The following TRIM67 variants were observed in gnomAD, a reference collection of about 807,000 sequenced individuals.
TRIM67 encodes the protein tripartite motif-containing protein 67.
Under a neutral mutation model 71.0 loss-of-function variants are expected in TRIM67, and 39 were observed. The ratio of observed to expected loss-of-function variants is 0.55; its 90% confidence interval spans 0.43 to 0.72. TRIM67 has a LOEUF of 0.72. TRIM67 is among the 30% of genes least tolerant of loss of function. TRIM67 has a pLI of 0.00. For synonymous variants in TRIM67, 481 were observed against 473.9 expected (o/e 1.01, Z -0.19); for missense variants, 973 against 1,079.2 (o/e 0.90, Z 1.38).
chr1:231,219,098 A>G lies in TRIM67; in HGVS notation c.*3658A>G. 1 of 985,458 alleles carries G rather than the reference A, an allele frequency of 1.0e-6. No homozygotes were observed. The highest frequency in any genetic ancestry group is 1.7e-5 in the African/African-American group (1 of 57,334). The allele number at this position is 985,458 out of a possible 1,614,324, so 61.0% of individuals were successfully genotyped here. ...CATGGCCACCTGCTGGCTTTGAGGT[A>G]GTGAGGGAGGGTCAATCCTTAGGGG... On this transcript the variant is annotated 3_prime_UTR_variant, in exon 10 of 10. Coordinates refer to ENST00000366653, the MANE Select transcript of TRIM67 (RefSeq NM_001004342.5).
chr1:231,215,293 C>CCGGT (rs1683986299), intron 9 of TRIM67, 82 bp from the exon 10 acceptor site: 2 of 1,525,742 alleles, frequency 1.3e-6, no homozygotes, highest in South Asian at 2.5e-5. Context: ...GGGGATCCTG[C>CCGGT]CGGTGTCTGC....
chr1:231,182,157 A>C (rs1682923959), intron 1 of TRIM67, among the ~76,000 whole-genome samples: 2 of 152,200 alleles, frequency 1.3e-5, no homozygotes, highest in Admixed American at 1.3e-4. Flanking sequence ...GGTTCATTTT[A>C]GAAACTTCCC....
rs529879553 is a variant in TRIM67, at chr1:231,179,756, C to T, written c.1044+15743C>T. ...AGGTTAAGCCCATTGTTTCCTCATA[C>T]TCTGTGAACATATTCAGCCAGATTG... On this transcript the variant is annotated intron_variant, in intron 1 of 9. Coordinates refer to ENST00000366653, the MANE Select transcript of TRIM67 (RefSeq NM_001004342.5). 3.9e-5 allele frequency among the ~76,000 whole-genome samples: 6 copies of T among 152,298 alleles called. No individual in the cohort carries two copies. In the East Asian group the frequency reaches 1.2e-3, roughly 29 times the overall value.
intron 1 of TRIM67, chr1:231,187,596 GT>G: frequency 6.6e-7 from 1 of 1,518,194 alleles, no homozygotes; most frequent in East Asian, 2.5e-5. Context: ...CCCAATGATG[GT>G]GTGAAACTCT....
At chr1:231,203,766 G>A (rs1683616248) in intron 5 of TRIM67, 101 bp from the exon 6 acceptor site, 1 of 1,445,478 alleles carries the variant, frequency 6.9e-7, no homozygotes. Context: ...TAGCCTGGCT[G>A]TCCTCTGGAG....
At chr1:231,195,053 G>A (rs1683331739) in intron 1 of TRIM67, among the ~76,000 whole-genome samples, 1 of 152,142 alleles carries the variant, frequency 6.6e-6, no homozygotes. Flanking sequence ...GATGTCAGTA[G>A]GTTATGTATT....
chr1:231,205,234 G>C (rs1177290786), intron 6 of TRIM67, among the ~76,000 whole-genome samples: 7 of 152,202 alleles, frequency 4.6e-5, no homozygotes, highest in Admixed American at 4.6e-4. Context: ...TCTTACAGTA[G>C]GAAAAGTGTG....
chr1:231,197,116 G>A (rs568492545), intron 1 of TRIM67, among the ~76,000 whole-genome samples: 8 of 152,360 alleles, frequency 5.3e-5, no homozygotes, highest in South Asian at 2.1e-4. Context: ...GCTTCAACCC[G>A]TTAGCTGAGT....
chr1:231,173,465 A>C (rs190724809), intron 1 of TRIM67, among the ~76,000 whole-genome samples: 123 of 152,340 alleles, frequency 8.1e-4, no homozygotes, highest in African/African-American at 2.8e-3. Context: ...TATTCAAGCT[A>C]AGACTTGAAG....
intron 1 of TRIM67, among the ~76,000 whole-genome samples, chr1:231,191,582 C>T (rs1328482195): frequency 1.3e-5 from 2 of 151,808 alleles, no homozygotes; most frequent in African/African-American, 2.4e-5. Flanking sequence ...GCATCAGGAG[C>T]GTGGGGCATC....
Position 231,209,155 on chromosome 1 carries a change from C to G in TRIM67, c.2028C>G (p.Val676=), listed in dbSNP as rs1242354465. The change falls in exon 8 of 10, where the codon GTC becomes GTG. Residue 676 remains valine, a synonymous_variant. Transcript: ENST00000366653. The surrounding 1 kb of genome is among the most constrained non-coding windows in gnomAD (Gnocchi z 4.1). ...PAFGVARASV[V]KDMMLGKDDK... is the part of the protein sequence containing the mutation. ...TCGGGGTGGCCAGGGCCAGCGTGGT[C>G]AAGGACATGATGCTGGGCAAGGATG... The G allele has an allele frequency of 6.2e-7, 1 of 1,613,498 alleles. No homozygotes were observed. Among genetic ancestry groups the G allele is most frequent in the Non-Finnish European group, 8.5e-7 (1 of 1,179,752 alleles).
chr1:231,184,983 C>G (rs1355327165), intron 1 of TRIM67: 3 of 1,525,468 alleles, frequency 2.0e-6, no homozygotes, highest in Non-Finnish European at 1.8e-6. Flanking sequence ...CAGCAGTGCT[C>G]CTGAATGGGT....
rs933874027 is a variant in TRIM67, at chr1:231,211,483, C to A, written c.2123+2233C>A. Among the ~76,000 whole-genome samples, 12 of 152,186 alleles carry A rather than the reference C, an allele frequency of 7.9e-5. 1 individual carries two copies. The highest frequency in any genetic ancestry group is 2.9e-4 in the African/African-American group (12 of 41,450). On this transcript the variant is annotated intron_variant, in intron 8 of 9. Transcript: ENST00000366653. The stretch of plus-strand genomic sequence containing the variant: ...AGGTTGGACTCATTCCTGCACCTCC[C>A]ATGGGTCACTACCGCCACCCGGTGG...
intron 1 of TRIM67, among the ~76,000 whole-genome samples, chr1:231,179,875 G>C (rs1682853517): frequency 6.6e-6 from 1 of 152,200 alleles, no homozygotes; most frequent in Non-Finnish European, 1.5e-5. Context: ...GGGCAGTGTG[G>C]TGCTGATTAG....
intron 6 of TRIM67, among the ~76,000 whole-genome samples, chr1:231,204,357 C>T (rs1558305182): frequency 6.6e-6 from 1 of 152,214 alleles, no homozygotes; most frequent in Non-Finnish European, 1.5e-5. Flanking sequence ...TTTCACCCGG[C>T]TCTGTCTTGT....
intron 1 of TRIM67, chr1:231,185,950 A>G (rs977086749): frequency 1.5e-5 from 11 of 735,256 alleles, no homozygotes; most frequent in Non-Finnish European, 2.3e-5. Context: ...AACGGCCGTG[A>G]CAGCCGGGAC....
At chr1:231,206,821 C>T in intron 7 of TRIM67, 31 bp downstream of exon 7, 1 of 1,547,900 alleles carries the variant, frequency 6.5e-7, no homozygotes. Flanking sequence ...GTGGGAAGAA[C>T]AGATTCATCA....
intron 5 of TRIM67, among the ~76,000 whole-genome samples, chr1:231,201,740 T>C (rs868113038): frequency 1.3e-5 from 2 of 152,330 alleles, no homozygotes; most frequent in Middle Eastern, 3.4e-3. Flanking sequence ...AGGCTTCCCA[T>C]TTGTGAAAAA....
At chr1:231,175,350 G>A (rs931322022) in intron 1 of TRIM67, among the ~76,000 whole-genome samples, 2 of 152,214 alleles carry the variant, frequency 1.3e-5, no homozygotes, top group Non-Finnish European at 2.9e-5. Flanking sequence ...ACCCTGCAGG[G>A]GGATCTCAGG....
Sources: gnomAD v4.1 joint callset for allele counts (sites outside exome capture counted in the v4.1 genomes callset) on GRCh38, gnomAD v4.1.1 for gene constraint, Gnocchi (gnomAD v3.1) non-coding constraint, MANE v1.5 for transcripts, NCBI Gene and HGNC (gene_info 2026-07-23, HGNC 2026-07-21) for gene names.